ASIC2: variants seen among roughly 807,000 people sequenced by gnomAD.
ASIC2 encodes the protein acid-sensing ion channel 2.
ASIC2 carries 25 observed loss-of-function variants against 57.3 expected under a neutral mutation model. That is an observed-to-expected ratio of 0.44 (90% CI 0.32 to 0.61). ASIC2 has a LOEUF of 0.61. Ranked by LOEUF, ASIC2 falls within the 20% of genes least tolerant of loss-of-function variation. The probability of loss-of-function intolerance (pLI) is 0.06; values close to 1 mark genes in which losing one functional copy is unlikely to be tolerated. For synonymous variants in ASIC2, 319 were observed against 307.5 expected (o/e 1.04, Z -0.39); for missense variants, 641 against 738.1 (o/e 0.87, Z 1.52).
At chr17:33,088,299 C>T (rs758074251) in intron 3 of ASIC2, among the ~76,000 whole-genome samples, 3 of 152,178 alleles carry the variant, frequency 2.0e-5, no homozygotes, top group Admixed American at 2.0e-4. Flanking sequence ...TCGCTTCAGA[C>T]GTGAGGCTGT....
chr17:33,307,212 T>C (rs546892518), intron 1 of ASIC2, among the ~76,000 whole-genome samples: 5 of 152,224 alleles, frequency 3.3e-5, no homozygotes, highest in Non-Finnish European at 5.9e-5. Flanking sequence ...TTCTCCTTAT[T>C]TCTTTACCTG....
At chr17:33,941,964 A>G (rs1264703965) in intron 1 of ASIC2, among the ~76,000 whole-genome samples, 6 of 152,144 alleles carry the variant, frequency 3.9e-5, no homozygotes, top group African/African-American at 1.4e-4. Flanking sequence ...GGAGATATAT[A>G]ACACAACATT....
At chr17:33,468,848 A>C (rs1912946955) in intron 1 of ASIC2, among the ~76,000 whole-genome samples, 1 of 152,152 alleles carries the variant, frequency 6.6e-6, no homozygotes, top group Non-Finnish European at 1.5e-5. Context: ...TTGCAGAGTG[A>C]AGGGCTCTTG....
intron 1 of ASIC2, among the ~76,000 whole-genome samples, chr17:33,985,883 G>A (rs1905801101): frequency 6.6e-6 from 1 of 152,116 alleles, no homozygotes. Context: ...GACACAATAG[G>A]CATCCCTCAG....
intron 1 of ASIC2, among the ~76,000 whole-genome samples, chr17:33,509,310 G>T (rs528851278): frequency 1.3e-5 from 2 of 152,192 alleles, no homozygotes; most frequent in East Asian, 3.9e-4. Context: ...CCCCCTTTAG[G>T]CTCTAACCCC....
intron 1 of ASIC2, among the ~76,000 whole-genome samples, chr17:33,240,599 A>G (rs1486592086): frequency 6.6e-6 from 1 of 152,170 alleles, no homozygotes; most frequent in African/African-American, 2.4e-5. Context: ...TTTGCCATTT[A>G]ATTAGATTCC....
intron 1 of ASIC2, among the ~76,000 whole-genome samples, chr17:33,937,973 A>T (rs1338642774): frequency 6.6e-6 from 1 of 152,194 alleles, no homozygotes; most frequent in African/African-American, 2.4e-5. Flanking sequence ...CTGGATAAAG[A>T]AGAAAGGAGT....
intron 1 of ASIC2, among the ~76,000 whole-genome samples, chr17:33,879,097 C>T (rs2141938107): frequency 6.6e-6 from 1 of 152,160 alleles, no homozygotes; most frequent in East Asian, 1.9e-4. Flanking sequence ...TAAAAGAGCT[C>T]CTGAAGGAAG....
chr17:33,970,002 G>A (rs1484600654), intron 1 of ASIC2, among the ~76,000 whole-genome samples: 2 of 152,158 alleles, frequency 1.3e-5, no homozygotes, highest in African/African-American at 4.8e-5. Context: ...GTACCATTAG[G>A]ATCTAGCAAT....
chr17:33,872,461 G>A (rs1914442783), intron 1 of ASIC2, among the ~76,000 whole-genome samples: 1 of 152,170 alleles, frequency 6.6e-6, no homozygotes, highest in Admixed American at 6.5e-5. Flanking sequence ...TATTCCTTCA[G>A]ATTCTAGTGA....
intron 1 of ASIC2, chr17:34,155,800 G>A: frequency 1.5e-6 from 1 of 677,962 alleles, no homozygotes. Flanking sequence ...ATCCTGGCCG[G>A]TAGCCTTCCC....
At chr17:33,898,218 A>ATATTT (rs1242866465) in intron 1 of ASIC2, among the ~76,000 whole-genome samples, 1 of 67,826 alleles carries the variant, frequency 1.5e-5, no homozygotes, top group Non-Finnish European at 3.0e-5. Context: ...TTCATGTATA[A>ATATTT]TCTTTTTTTT....
intron 1 of ASIC2, among the ~76,000 whole-genome samples, chr17:33,965,506 A>C (rs980514986): frequency 6.6e-6 from 1 of 152,232 alleles, no homozygotes; most frequent in African/African-American, 2.4e-5. Flanking sequence ...AACAGACTTC[A>C]TGAGGAAGTG....
chr17:33,948,155 C>CA (rs2141983200), intron 1 of ASIC2, among the ~76,000 whole-genome samples: 1 of 152,298 alleles, frequency 6.6e-6, no homozygotes, highest in South Asian at 2.1e-4. Flanking sequence ...CAGAAGGGAA[C>CA]ACTCCTGCGT....
intron 1 of ASIC2, among the ~76,000 whole-genome samples, chr17:33,717,873 T>C (rs1389712411): frequency 3.3e-5 from 5 of 152,200 alleles, no homozygotes; most frequent in African/African-American, 1.2e-4. Context: ...ACTTAATAAA[T>C]GGTAGATCTT....
At chr17:34,079,527 T>G (rs1909800179) in intron 1 of ASIC2, among the ~76,000 whole-genome samples, 1 of 152,198 alleles carries the variant, frequency 6.6e-6, no homozygotes, top group Admixed American at 6.5e-5. Flanking sequence ...TCCCACCTAG[T>G]GAATCTCAAG....
chr17:34,085,302 G>A (rs1005335409), intron 1 of ASIC2, among the ~76,000 whole-genome samples: 1 of 152,122 alleles, frequency 6.6e-6, no homozygotes, highest in Non-Finnish European at 1.5e-5. Flanking sequence ...TAATCATGTG[G>A]TTTTTGTCTT....
chr17:34,036,212 G>T (rs1441314353), intron 1 of ASIC2, among the ~76,000 whole-genome samples: 2 of 152,010 alleles, frequency 1.3e-5, no homozygotes, highest in African/African-American at 4.8e-5. Flanking sequence ...ATGAGTTCAT[G>T]TCCTTTGTAG....
chr17:33,890,731 T>C (rs2141946920), intron 1 of ASIC2, among the ~76,000 whole-genome samples: 1 of 152,338 alleles, frequency 6.6e-6, no homozygotes, highest in East Asian at 1.9e-4. Flanking sequence ...CTAAGCCCTC[T>C]TCTCCAATGG....
Sources: gnomAD v4.1 joint callset for allele counts (sites outside exome capture counted in the v4.1 genomes callset) on GRCh38, gnomAD v4.1.1 for gene constraint, MANE v1.5 for transcripts, NCBI Gene and HGNC (gene_info 2026-07-23, HGNC 2026-07-21) for gene names.